The following PDE10A variants were observed in gnomAD, a reference collection of about 807,000 sequenced individuals.
PDE10A encodes phosphodiesterase 10A, also known as cAMP and cAMP-inhibited cGMP 3',5'-cyclic phosphodiesterase 10A.
PDE10A carries 39 observed loss-of-function variants against 97.7 expected under a neutral mutation model. That is an observed-to-expected ratio of 0.40 (90% CI 0.31 to 0.52). The LOEUF is 0.52. PDE10A is among the 20% of genes least tolerant of loss of function. PDE10A has a pLI of 0.56. For synonymous variants in PDE10A, 371 were observed against 376.8 expected (o/e 0.98, Z 0.18); for missense variants, 731 against 1,047.8 (o/e 0.70, Z 4.17).
chr6:165,778,905 G>C (rs1447011221), intron 1 of PDE10A, among the ~76,000 whole-genome samples: 1 of 151,964 alleles, frequency 6.6e-6, no homozygotes. Flanking sequence ...AGTCCTTTAT[G>C]TATTCTAGGT....
chr6:165,471,832 C>T (rs1200151225), intron 3 of PDE10A, among the ~76,000 whole-genome samples: 2 of 152,130 alleles, frequency 1.3e-5, no homozygotes, highest in African/African-American at 4.8e-5. Context: ...TTGCCAATCA[C>T]CCCTGGCAAT....
chr6:165,973,908 C>G (rs1047379259), intron 1 of PDE10A, among the ~76,000 whole-genome samples: 6 of 152,150 alleles, frequency 3.9e-5, no homozygotes, highest in Non-Finnish European at 4.4e-5. Context: ...AAAACTAAAG[C>G]ATTTTGCATA....
chr6:165,603,642 A>G (rs759515467), intron 1 of PDE10A, among the ~76,000 whole-genome samples: 5 of 152,222 alleles, frequency 3.3e-5, no homozygotes, highest in African/African-American at 4.8e-5. Flanking sequence ...GCAGCGTCCC[A>G]GTGAGGACTC....
chr6:165,650,784 T>C lies in PDE10A; in HGVS notation c.865+11163A>G, dbSNP rs182433035. Reference sequence around the variant, plus strand: ...GCATTTTTTTTTTTTTGTCGCCAGGTTGGAGTGCAGTGGTGTGATCTCAGC... The same window carrying C: ...GCATTTTTTTTTTTTTGTCGCCAGGCTGGAGTGCAGTGGTGTGATCTCAGC... On this transcript the variant is annotated intron_variant, in intron 1 of 21. Coordinates refer to ENST00000539869, the MANE Select transcript of PDE10A (RefSeq NM_001385079.1). Among the ~76,000 whole-genome samples the C allele has an allele frequency of 9.6e-3, 1,452 of 151,912 alleles. 21 individuals are homozygous for C. The highest frequency in any genetic ancestry group is 0.033 in the African/African-American group (1,372 of 41,372).
chr6:165,524,591 A>C (rs1228659074), intron 2 of PDE10A, among the ~76,000 whole-genome samples: 1 of 152,150 alleles, frequency 6.6e-6, no homozygotes, highest in African/African-American at 2.4e-5. Context: ...TGATGAAAAA[A>C]ATGATGAACC....
Position 165,332,992 on chromosome 6 carries a change from G to A in PDE10A, c.*33C>T, listed in dbSNP as rs765654555. The A allele has an allele frequency of 1.6e-5, 19 of 1,178,346 alleles. No individual in the cohort carries two copies. The highest frequency in any genetic ancestry group is 2.3e-5 in the Non-Finnish European group (18 of 784,916). 73.0% of individuals were successfully genotyped at this position (1,178,346 alleles called of 1,614,324 possible). A position where few individuals can be genotyped will look rare whatever the true frequency, so the allele number is the denominator to read the frequency against. ...TGTCAAAGAAGCAAGATGAGGATCT[G>A]TAGGTGGGACAGCGTGTCAGGGTGA... is the stretch of plus-strand genomic sequence containing the variant. On this transcript the variant is annotated 3_prime_UTR_variant, in exon 22 of 22. Transcript: ENST00000539869.
chr6:165,508,963 C>T (rs532405464), intron 2 of PDE10A, among the ~76,000 whole-genome samples: 9 of 151,936 alleles, frequency 5.9e-5, no homozygotes, highest in Non-Finnish European at 1.2e-4. Flanking sequence ...CAGCAATCAG[C>T]GATGTGCTTC....
chr6:165,530,609 ACC>A (rs66513062), intron 2 of PDE10A, among the ~76,000 whole-genome samples: 8 of 151,502 alleles, frequency 5.3e-5, no homozygotes, highest in Admixed American at 2.0e-4. Flanking sequence ...CTGCACATGT[ACC>A]CCCCCCACGA....
rs998765458 is a variant in PDE10A, at chr6:165,625,316, G to T, written c.865+36631C>A. 3.9e-5 allele frequency among the ~76,000 whole-genome samples: 6 copies of T among 152,350 alleles called. No individual in the cohort carries two copies. The East Asian group carries it at 9.7e-4, about 25-fold the overall frequency. ...TGTCTCACTGGTCCAGGAATGGGCT[G>T]CAGGCAGAGCAGTGCAGGTGGCAAA... On this transcript the variant is annotated intron_variant, in intron 1 of 21. Coordinates refer to ENST00000539869, the MANE Select transcript of PDE10A (RefSeq NM_001385079.1).
chr6:165,448,143 C>T (rs1225714096), intron 5 of PDE10A, among the ~76,000 whole-genome samples: 1 of 152,028 alleles, frequency 6.6e-6, no homozygotes, highest in Non-Finnish European at 1.5e-5. Context: ...GATAGCAATG[C>T]CTAACACATA....
intron 1 of PDE10A, among the ~76,000 whole-genome samples, chr6:165,938,998 A>G (rs1024504934): frequency 2.8e-4 from 42 of 152,360 alleles, no homozygotes; most frequent in African/African-American, 9.6e-4. Context: ...CAATAGGAGA[A>G]TGGCTGAATA....
chr6:165,353,920 T>C (rs945614877), intron 18 of PDE10A, among the ~76,000 whole-genome samples: 2 of 152,204 alleles, frequency 1.3e-5, no homozygotes, highest in Non-Finnish European at 2.9e-5. Context: ...GTAATAAATG[T>C]ACTATTCTGG....
intron 1 of PDE10A, among the ~76,000 whole-genome samples, chr6:165,725,531 C>G (rs983901645): frequency 6.6e-6 from 1 of 152,198 alleles, no homozygotes; most frequent in African/African-American, 2.4e-5. Context: ...GAACTTTTCC[C>G]GTTTCAGTGG....
intron 1 of PDE10A, among the ~76,000 whole-genome samples, chr6:165,636,300 T>TACAC (rs112690089): frequency 8.7e-5 from 13 of 149,826 alleles, no homozygotes; most frequent in South Asian, 4.2e-4. Flanking sequence ...ATCCCTCCCA[T>TACAC]ACACACACAC....
At chr6:165,498,915 C>T (rs562969439) in intron 2 of PDE10A, among the ~76,000 whole-genome samples, 1 of 152,250 alleles carries the variant, frequency 6.6e-6, no homozygotes, top group South Asian at 2.1e-4. Flanking sequence ...AAAATAGCAG[C>T]TCTATTATGT....
At chr6:165,377,886 CT>C (rs562214522) in intron 18 of PDE10A, among the ~76,000 whole-genome samples, 25 of 152,172 alleles carry the variant, frequency 1.6e-4, no homozygotes, top group Non-Finnish European at 3.5e-4. Flanking sequence ...TGTTTAGGGG[CT>C]TTTCCCTGAT....
At chr6:165,474,456 C>T (rs1158862065) in intron 3 of PDE10A, among the ~76,000 whole-genome samples, 4 of 152,136 alleles carry the variant, frequency 2.6e-5, no homozygotes, top group Non-Finnish European at 2.9e-5. Context: ...TTTTTTCCTT[C>T]TGTGTAAACT....
intron 1 of PDE10A, among the ~76,000 whole-genome samples, chr6:165,566,470 C>T (rs1218723998): frequency 6.6e-6 from 1 of 152,082 alleles, no homozygotes; most frequent in African/African-American, 2.4e-5. Flanking sequence ...ACTGTTTGTG[C>T]GAATGTGAAA....
chr6:165,670,925 G>C (rs1355725776), intron 1 of PDE10A, among the ~76,000 whole-genome samples: 1 of 152,162 alleles, frequency 6.6e-6, no homozygotes, highest in Admixed American at 6.5e-5. Context: ...AGGAAGTGCT[G>C]ATCTTATTAT....
Sources: gnomAD v4.1 joint callset for allele counts (sites outside exome capture counted in the v4.1 genomes callset) on GRCh38, gnomAD v4.1.1 for gene constraint, MANE v1.5 for transcripts, NCBI Gene and HGNC (gene_info 2026-07-23, HGNC 2026-07-21) for gene names.